HPSE2: variants seen among roughly 807,000 people sequenced by gnomAD.
HPSE2 encodes inactive heparanase-2.
Under a neutral mutation model 60.5 loss-of-function variants are expected in HPSE2, and 38 were observed. The ratio of observed to expected loss-of-function variants is 0.63; its 90% CI spans 0.48 to 0.82. The LOEUF is 0.82. Ranked by LOEUF, HPSE2 falls within the 40% of genes least tolerant of loss-of-function variation. The pLI is 0.00. For synonymous variants in HPSE2, 295 were observed against 293.2 expected (o/e 1.01, Z -0.06); for missense variants, 713 against 740.4 (o/e 0.96, Z 0.43).
chr10:98,492,822 T>A (rs1591265082), intron 9 of HPSE2, among the ~76,000 whole-genome samples: 2 of 152,154 alleles, frequency 1.3e-5, no homozygotes, highest in East Asian at 3.8e-4. Context: ...TGTGGGGAGA[T>A]CCACATAACA....
chr10:98,884,358 AT>A (rs910243635), intron 3 of HPSE2, among the ~76,000 whole-genome samples: 1 of 152,126 alleles, frequency 6.6e-6, no homozygotes, highest in African/African-American at 2.4e-5. Flanking sequence ...TGAACAACAG[AT>A]TTTCGACGTA....
At chr10:98,820,167 G>T (rs2134607970) in intron 3 of HPSE2, among the ~76,000 whole-genome samples, 1 of 152,192 alleles carries the variant, frequency 6.6e-6, no homozygotes, top group Admixed American at 6.5e-5. Flanking sequence ...CTACTTTTCA[G>T]ATACTGAAGA....
intron 9 of HPSE2, among the ~76,000 whole-genome samples, chr10:98,550,181 CTG>C: frequency 6.6e-6 from 1 of 152,204 alleles, no homozygotes; most frequent in Non-Finnish European, 1.5e-5. Context: ...ACCTTACAGC[CTG>C]TGTTACCTCT....
At chr10:99,034,095 T>C (rs969202705) in intron 3 of HPSE2, among the ~76,000 whole-genome samples, 1 of 152,190 alleles carries the variant, frequency 6.6e-6, no homozygotes, top group Non-Finnish European at 1.5e-5. Flanking sequence ...ATTCAATAGA[T>C]GCCTGAGTAA....
At chr10:98,978,156 T>C (rs1025404626) in intron 3 of HPSE2, among the ~76,000 whole-genome samples, 1 of 152,086 alleles carries the variant, frequency 6.6e-6, no homozygotes, top group African/African-American at 2.4e-5. Context: ...TATGCAAATG[T>C]TAAAAACTGA....
At chr10:99,178,222 A>G (rs893696122) in intron 2 of HPSE2, among the ~76,000 whole-genome samples, 1 of 151,602 alleles carries the variant, frequency 6.6e-6, no homozygotes, top group African/African-American at 2.4e-5. Context: ...GAGAAACAAC[A>G]GCAAACAAAT....
intron 4 of HPSE2, among the ~76,000 whole-genome samples, chr10:98,736,565 G>A (rs759854016): frequency 7.2e-5 from 11 of 152,000 alleles, no homozygotes; most frequent in Non-Finnish European, 1.6e-4. Context: ...AAAAATGTAA[G>A]CTATGAATTT....
chr10:99,057,059 C>T lies in HPSE2; in HGVS notation c.610+87179G>A, dbSNP rs1279476524. On this transcript the variant is annotated intron_variant, in intron 3 of 11. Coordinates refer to ENST00000370552, the MANE Select transcript of HPSE2 (RefSeq NM_021828.5). ...GTTGCCTTTGGGAGGTGAGGATTTG[C>T]TGGAAAGAAATGATAAGGGGACTTT... Among the ~76,000 whole-genome samples, 5 of 152,106 alleles carry T rather than the reference C, an allele frequency of 3.3e-5. No individual in the cohort carries two copies. In the East Asian group the frequency reaches 9.7e-4, roughly 29 times the overall value.
At chr10:98,659,185 T>C (rs559685041) in intron 6 of HPSE2, among the ~76,000 whole-genome samples, 60 of 152,248 alleles carry the variant, frequency 3.9e-4, no homozygotes, top group African/African-American at 1.4e-3. Context: ...CATTCATCCC[T>C]CAGTATATGT....
chr10:98,770,932 T>C (rs776540737), intron 3 of HPSE2, among the ~76,000 whole-genome samples: 1 of 152,200 alleles, frequency 6.6e-6, no homozygotes, highest in Non-Finnish European at 1.5e-5. Flanking sequence ...ATGGCTCATT[T>C]ACTAAATATT....
the HPSE2 span, among the ~76,000 whole-genome samples, chr10:99,290,922 T>C: frequency 6.6e-6 from 1 of 152,314 alleles, no homozygotes; most frequent in East Asian, 1.9e-4. Context: ...TCAATATTTC[T>C]AATCAAGAAA....
At chr10:99,217,670 T>C (rs1849177362) in intron 2 of HPSE2, among the ~76,000 whole-genome samples, 2 of 152,084 alleles carry the variant, frequency 1.3e-5, no homozygotes, top group African/African-American at 4.8e-5. Context: ...TATGTCTCAC[T>C]GCCTCACACT....
At chr10:98,755,490 A>G (rs1432361798) in intron 3 of HPSE2, among the ~76,000 whole-genome samples, 2 of 152,166 alleles carry the variant, frequency 1.3e-5, no homozygotes, top group Admixed American at 6.5e-5. Context: ...ATATTTGGGA[A>G]CTAAAACTCA....
intron 6 of HPSE2, among the ~76,000 whole-genome samples, chr10:98,687,644 C>G (rs1179130072): frequency 6.6e-6 from 1 of 152,146 alleles, no homozygotes; most frequent in Non-Finnish European, 1.5e-5. Context: ...TATCACAGGA[C>G]AATACATTTA....
chr10:99,092,443 C>T (rs1397688929), intron 3 of HPSE2, among the ~76,000 whole-genome samples: 1 of 152,160 alleles, frequency 6.6e-6, no homozygotes, highest in East Asian at 1.9e-4. Context: ...AAAGCAAGCA[C>T]CTTCACTGAC....
chr10:98,725,462 TC>T (rs1949048363), intron 4 of HPSE2, among the ~76,000 whole-genome samples: 1 of 152,170 alleles, frequency 6.6e-6, no homozygotes, highest in East Asian at 1.9e-4. Flanking sequence ...CTGAATCCCT[TC>T]CTTACACCTT....
At chr10:99,256,304 G>T in the HPSE2 span, among the ~76,000 whole-genome samples, 1 of 147,946 alleles carries the variant, frequency 6.8e-6, no homozygotes, top group Non-Finnish European at 1.5e-5. Context: ...TTATAAAAAG[G>T]CTTGAGCCTG....
chr10:99,166,722 T>G (rs1847093946), intron 2 of HPSE2, among the ~76,000 whole-genome samples: 2 of 152,184 alleles, frequency 1.3e-5, no homozygotes, highest in African/African-American at 4.8e-5. Flanking sequence ...TTTTTTAAAT[T>G]TTAAGAGTTC....
chr10:98,592,559 G>A (rs1945119249), intron 9 of HPSE2, among the ~76,000 whole-genome samples: 1 of 152,156 alleles, frequency 6.6e-6, no homozygotes, highest in Non-Finnish European at 1.5e-5. Context: ...TGCAGTTAAA[G>A]AAGTAAAGAC....
Sources: gnomAD v4.1 joint callset for allele counts (sites outside exome capture counted in the v4.1 genomes callset) on GRCh38, gnomAD v4.1.1 for gene constraint, MANE v1.5 for transcripts, NCBI Gene and HGNC (gene_info 2026-07-23, HGNC 2026-07-21) for gene names.